XPO6: variants seen among roughly 807,000 people sequenced by gnomAD.
The protein encoded by XPO6 is exportin-6.
In XPO6, 3 loss-of-function variants were observed where a neutral mutation model predicts 130.0. That is an observed-to-expected ratio of 0.02 (90% CI 0.01 to 0.06). The LOEUF (loss-of-function observed/expected upper bound fraction) is 0.06. XPO6 is among the 10% of genes least tolerant of loss of function. XPO6 has a pLI of 1.00. For missense variants in XPO6, 970 were observed against 1,393.0 expected, an observed-to-expected ratio of 0.70 and a Z score of 4.83; for synonymous variants, 524 against 548.9, an observed-to-expected ratio of 0.95 and a Z score of 0.63.
intron 1 of XPO6, among the ~76,000 whole-genome samples, chr16:28,201,194 TAC>T (rs1269383012): frequency 1.3e-5 from 2 of 152,164 alleles, no homozygotes; most frequent in East Asian, 3.9e-4. Context: ...GGGGAAAAAA[TAC>T]AGTTATCTGA....
At chr16:28,117,977 G>C (rs1328507621) in intron 14 of XPO6, among the ~76,000 whole-genome samples, 1 of 152,220 alleles carries the variant, frequency 6.6e-6, no homozygotes, top group Admixed American at 6.5e-5. Context: ...AGCAAAGGCT[G>C]TACTGACTGC....
intron 1 of XPO6, among the ~76,000 whole-genome samples, chr16:28,208,438 T>G (rs957011312): frequency 6.6e-6 from 1 of 152,096 alleles, no homozygotes; most frequent in African/African-American, 2.4e-5. Flanking sequence ...TTCCTTACCT[T>G]TGGGGGACAG....
intron 1 of XPO6, 133 bp downstream of exon 1, chr16:28,211,231 ATG>A: frequency 1.1e-6 from 1 of 875,612 alleles, no homozygotes. Flanking sequence ...CTCTGCACGC[ATG>A]TGTCACCGGC....
At chr16:28,124,079 C>T (rs1385269583) in intron 13 of XPO6, among the ~76,000 whole-genome samples, 98 of 137,056 alleles carry the variant, frequency 7.2e-4, no homozygotes, top group African/African-American at 2.6e-3. Context: ...TTTTTTGAGA[C>T]GGAGTTTCAC....
chr16:28,186,371 A>ATCCTTTTT (rs2043692526), intron 1 of XPO6, among the ~76,000 whole-genome samples: 3 of 10,134 alleles, frequency 3.0e-4, no homozygotes, highest in African/African-American at 1.2e-3. Flanking sequence ...TGCCCCAGTT[A>ATCCTTTTT]TTCTTTTTTT....
At chr16:28,102,586 A>AAAT (rs2086676692) in intron 21 of XPO6, among the ~76,000 whole-genome samples, 1 of 152,148 alleles carries the variant, frequency 6.6e-6, no homozygotes, top group Non-Finnish European at 1.5e-5. Flanking sequence ...AAAAATACAA[A>AAAT]AATTAGCCAG....
intron 1 of XPO6, among the ~76,000 whole-genome samples, chr16:28,191,347 A>G (rs1044902061): frequency 6.6e-6 from 1 of 152,228 alleles, no homozygotes; most frequent in Non-Finnish European, 1.5e-5. Context: ...TAAAGTAAGT[A>G]ATACAGCCAA....
intron 12 of XPO6, among the ~76,000 whole-genome samples, chr16:28,130,685 G>A (rs557121902): frequency 7.7e-4 from 117 of 152,212 alleles, no homozygotes; most frequent in African/African-American, 2.7e-3. Flanking sequence ...CGGACGAGCC[G>A]AGTTCTGTGA....
At chr16:28,122,054 C>T (rs1294617630) in intron 13 of XPO6, among the ~76,000 whole-genome samples, 1 of 152,026 alleles carries the variant, frequency 6.6e-6, no homozygotes, top group Non-Finnish European at 1.5e-5. Context: ...AAAAACCATG[C>T]TTAGAGGCAT....
intron 9 of XPO6, among the ~76,000 whole-genome samples, chr16:28,141,681 T>G (rs2042895660): frequency 6.6e-6 from 1 of 152,098 alleles, no homozygotes; most frequent in South Asian, 2.1e-4. Context: ...CAGTCTCTCA[T>G]CAAGAAATTC....
intron 13 of XPO6, among the ~76,000 whole-genome samples, chr16:28,124,215 G>A (rs548461449): frequency 6.6e-6 from 1 of 151,936 alleles, no homozygotes; most frequent in South Asian, 2.1e-4. Context: ...ATGTCCCCAC[G>A]CCCGGCTAAT....
chr16:28,202,827 G>A (rs866733410), intron 1 of XPO6, among the ~76,000 whole-genome samples: 14 of 152,256 alleles, frequency 9.2e-5, no homozygotes, highest in African/African-American at 1.2e-4. Flanking sequence ...TGGATGCCAC[G>A]GGAGCCAAGA....
At chr16:28,156,613 T>A in intron 6 of XPO6, 86 bp from the exon 7 acceptor site, 1 of 796,912 alleles carries the variant, frequency 1.3e-6, no homozygotes, top group Non-Finnish European at 1.9e-6. Context: ...AAAATATATA[T>A]ATATATGTAT....
intron 3 of XPO6, among the ~76,000 whole-genome samples, chr16:28,176,583 C>T (rs542542316): frequency 3.3e-5 from 5 of 151,818 alleles, no homozygotes; most frequent in East Asian, 1.9e-4. Flanking sequence ...CTGCAAGCTC[C>T]GCCTCCCGGG....
intron 15 of XPO6, among the ~76,000 whole-genome samples, chr16:28,114,825 C>G (rs2087014556): frequency 6.6e-6 from 1 of 152,200 alleles, no homozygotes; most frequent in Admixed American, 6.5e-5. Flanking sequence ...TGGAGTCAGT[C>G]CTCTCAAACC....
At chr16:28,184,599 T>TAAAAAAA (rs775780148) in intron 1 of XPO6, among the ~76,000 whole-genome samples, 1 of 99,266 alleles carries the variant, frequency 1.0e-5, no homozygotes, top group Non-Finnish European at 2.1e-5. Context: ...AACAAATCAG[T>TAAAAAAA]AAAAAAAAAA....
At chr16:28,168,780 T>C (rs2043400760) in intron 5 of XPO6, among the ~76,000 whole-genome samples, 1 of 148,288 alleles carries the variant, frequency 6.7e-6, no homozygotes, top group South Asian at 2.2e-4. Flanking sequence ...TTTTTTGTTT[T>C]GTTTTTTTTT....
At chr16:28,108,997 C>T (rs145616835) in intron 17 of XPO6, among the ~76,000 whole-genome samples, 2 of 152,272 alleles carry the variant, frequency 1.3e-5, no homozygotes, top group South Asian at 2.1e-4. Flanking sequence ...AGCAGGGAGC[C>T]GTCCACAACT....
At chr16:28,201,850 G>A (rs774455575) in intron 1 of XPO6, among the ~76,000 whole-genome samples, 77 of 152,054 alleles carry the variant, frequency 5.1e-4, no homozygotes, top group Middle Eastern at 3.2e-3. Flanking sequence ...GCGAGACTCC[G>A]TCTCAAAAAA....
Sources: gnomAD v4.1 joint callset for allele counts (sites outside exome capture counted in the v4.1 genomes callset) on GRCh38, gnomAD v4.1.1 for gene constraint, MANE v1.5 for transcripts, NCBI Gene and HGNC (gene_info 2026-07-23, HGNC 2026-07-21) for gene names.